The following EPHX2 variants were observed in gnomAD, a reference collection of about 807,000 sequenced individuals.
The protein encoded by EPHX2 is bifunctional epoxide hydrolase 2.
Under a neutral mutation model 78.7 loss-of-function variants are expected in EPHX2, and 74 were observed. That is an observed-to-expected ratio of 0.94 (90% CI 0.78 to 1.14). EPHX2 has a LOEUF of 1.14. Ranked by LOEUF, EPHX2 falls within the 50% of genes most tolerant of loss-of-function variation. The pLI is 0.00. For missense variants in EPHX2, 715 were observed against 702.5 expected, an observed-to-expected ratio of 1.02 and a Z score of -0.20; for synonymous variants, 251 against 255.2, an observed-to-expected ratio of 0.98 and a Z score of 0.16.
chr8:27,526,751 TAAAA>T (rs982278162), intron 12 of EPHX2, among the ~76,000 whole-genome samples: 1 of 151,948 alleles, frequency 6.6e-6, no homozygotes, highest in African/African-American at 2.4e-5. Flanking sequence ...TTTAGCCCAT[TAAAA>T]AAAATTTTTT....
At chr8:27,546,081 G>A (rs72478913), downstream of EPHX2, among the ~76,000 whole-genome samples, 31 of 149,788 alleles carry the variant, frequency 2.1e-4, no homozygotes, top group East Asian at 2.0e-4. Context: ...AAATGTTCTC[G>A]TCGCGCCACT....
chr8:27,523,848 CT>C (rs1487500421), intron 11 of EPHX2, among the ~76,000 whole-genome samples: 1 of 152,094 alleles, frequency 6.6e-6, no homozygotes, highest in Non-Finnish European at 1.5e-5. Context: ...ACCCTGCAGA[CT>C]GCACAACGTA....
chr8:27,498,702 TG>T (rs1813661264), intron 1 of EPHX2, among the ~76,000 whole-genome samples: 1 of 152,200 alleles, frequency 6.6e-6, no homozygotes, highest in Non-Finnish European at 1.5e-5. Flanking sequence ...TCAATAGGAT[TG>T]TTAAGTTGAA....
At chr8:27,529,115 C>T (rs535525447) in intron 12 of EPHX2, among the ~76,000 whole-genome samples, 1 of 152,308 alleles carries the variant, frequency 6.6e-6, no homozygotes, top group South Asian at 2.1e-4. Context: ...GTCATCTCTG[C>T]TGAGCACTGC....
chr8:27,516,520 C>T (rs1317771224), intron 8 of EPHX2, 122 bp downstream of exon 8: 3 of 895,468 alleles, frequency 3.4e-6, no homozygotes, highest in South Asian at 1.5e-5. Context: ...GAGAGTCTGA[C>T]TTCACCTCTT....
intron 12 of EPHX2, among the ~76,000 whole-genome samples, chr8:27,528,538 AG>A (rs1369041226): frequency 1.3e-5 from 2 of 152,208 alleles, no homozygotes; most frequent in African/African-American, 4.8e-5. Context: ...GTTTTCAAAC[AG>A]GTAATAGCTT....
intron 16 of EPHX2, 89 bp downstream of exon 16, chr8:27,541,631 A>C: frequency 7.0e-7 from 1 of 1,428,148 alleles, no homozygotes; most frequent in East Asian, 2.3e-5. Context: ...GACCTGGGCC[A>C]GAGCTGGTTG....
chr8:27,526,390 C>T (rs1814847527), intron 12 of EPHX2, among the ~76,000 whole-genome samples: 1 of 152,250 alleles, frequency 6.6e-6, no homozygotes, highest in Admixed American at 6.5e-5. Flanking sequence ...TGTCGCATCC[C>T]ACATACTACA....
At chr8:27,505,337 G>A (rs1187046532) in intron 4 of EPHX2, among the ~76,000 whole-genome samples, 191 bp downstream of exon 4, 1 of 152,164 alleles carries the variant, frequency 6.6e-6, no homozygotes, top group Non-Finnish European at 1.5e-5. Context: ...CCAGAGGTGG[G>A]CATTTGGCTC....
intron 12 of EPHX2, among the ~76,000 whole-genome samples, chr8:27,532,103 C>T (rs1052350039): frequency 1.3e-5 from 2 of 152,030 alleles, no homozygotes; most frequent in Non-Finnish European, 2.9e-5. Context: ...CCCTCCAGAC[C>T]CCCACCCTGC....
chr8:27,522,850 A>T (rs1417831758), intron 11 of EPHX2, among the ~76,000 whole-genome samples: 2 of 150,668 alleles, frequency 1.3e-5, no homozygotes, highest in African/African-American at 2.5e-5. Flanking sequence ...ACTCCCAGCT[A>T]CTCTGGAGGC....
chr8:27,545,750 G>T (rs1485028833), downstream of EPHX2, among the ~76,000 whole-genome samples: 3 of 152,170 alleles, frequency 2.0e-5, no homozygotes, highest in Non-Finnish European at 2.9e-5. Flanking sequence ...CTCGCTGCTT[G>T]CGAGAGAAAG....
intron 12 of EPHX2, among the ~76,000 whole-genome samples, chr8:27,528,487 G>C (rs1359062796): frequency 5.3e-5 from 8 of 152,124 alleles, no homozygotes; most frequent in Non-Finnish European, 8.8e-5. Flanking sequence ...TCCCATCCCT[G>C]GCCCTCAGTT....
chr8:27,539,649 A>C (rs1374565505), intron 14 of EPHX2, among the ~76,000 whole-genome samples: 1 of 152,206 alleles, frequency 6.6e-6, no homozygotes, highest in African/African-American at 2.4e-5. Flanking sequence ...CTGGGGCTGC[A>C]TGCTCAGCTA....
chr8:27,508,495 TC>T (rs1314027306), intron 5 of EPHX2, among the ~76,000 whole-genome samples: 2 of 152,140 alleles, frequency 1.3e-5, no homozygotes, highest in Non-Finnish European at 2.9e-5. Flanking sequence ...AACCTGCAAG[TC>T]CCAGGCAACA....
In EPHX2 at chr8:27,506,961, C is replaced by G. The variant is rs1279287720; in HGVS notation, c.627C>G (p.Ala209=). ...TCCTGGTCCAGGACACTGACACGGCCCTGAAAGAACTGGAGAAAGTGACCG... is the reference window on the plus strand; with the variant it reads ...TCCTGGTCCAGGACACTGACACGGCGCTGAAAGAACTGGAGAAAGTGACCG... The part of the protein sequence containing the change: ...VTILVQDTDT[A]LKELEKVTGI... The change falls in exon 5 of 19, where the codon GCC becomes GCG. Residue 209 remains alanine, a synonymous_variant. Coordinates refer to ENST00000521400, the MANE Select transcript of EPHX2 (RefSeq NM_001979.6). The G allele has an allele frequency of 1.2e-6, 2 of 1,613,962 alleles. No homozygotes were observed. The highest frequency in any genetic ancestry group is 1.7e-6 in the Non-Finnish European group (2 of 1,180,020).
intron 11 of EPHX2, among the ~76,000 whole-genome samples, chr8:27,522,716 T>C (rs1008302582): frequency 2.0e-5 from 3 of 151,678 alleles, no homozygotes; most frequent in Non-Finnish European, 4.4e-5. Context: ...CCCAGCATTT[T>C]TGGGAGGCCA....
chr8:27,523,034 C>T (rs1814705805), intron 11 of EPHX2, among the ~76,000 whole-genome samples: 1 of 148,522 alleles, frequency 6.7e-6, no homozygotes, highest in African/African-American at 2.5e-5. Context: ...GTTCCACTTA[C>T]AGGCAATGGG....
downstream of EPHX2, among the ~76,000 whole-genome samples, chr8:27,548,039 G>A (rs1031924809): frequency 1.3e-5 from 2 of 152,166 alleles, no homozygotes; most frequent in African/African-American, 4.8e-5. Context: ...ACACCCTCCA[G>A]CAGTGGGTTG....
Sources: allele counts gnomAD v4.1 joint callset (sites outside exome capture counted in the v4.1 genomes callset), GRCh38; gene constraint gnomAD v4.1.1; transcripts MANE v1.5; gene names NCBI Gene and HGNC (gene_info 2026-07-23, HGNC 2026-07-21).